ZNF385D: variants seen among roughly 807,000 people sequenced by gnomAD.
ZNF385D encodes zinc finger protein 659.
Under a neutral mutation model 35.8 loss-of-function variants are expected in ZNF385D, and 15 were observed. The observed-to-expected ratio is 0.42, with a 90% CI of 0.28 to 0.64. The LOEUF is 0.64. Ranked by LOEUF, ZNF385D falls within the 30% of genes least tolerant of loss-of-function variation. ZNF385D has a pLI of 0.23. For synonymous variants in ZNF385D, 212 were observed against 186.8 expected, an observed-to-expected ratio of 1.13 and a Z score of -1.10; for missense variants, 474 against 494.6, an observed-to-expected ratio of 0.96 and a Z score of 0.39.
chr3:22,350,682 CTTTT>C (rs202040547), intron 2 of ZNF385D, among the ~76,000 whole-genome samples: 2 of 151,786 alleles, frequency 1.3e-5, no homozygotes, highest in African/African-American at 2.4e-5. Context: ...TAATGTATTT[CTTTT>C]TTTTGTTGTT....
chr3:21,832,403 A>G (rs749868464), intron 3 of ZNF385D, among the ~76,000 whole-genome samples: 9 of 152,308 alleles, frequency 5.9e-5, no homozygotes, highest in African/African-American at 1.9e-4. Context: ...TAATTTGAAA[A>G]TTGCTAGGGC....
chr3:21,953,570 C>G (rs1199764485), intron 3 of ZNF385D, among the ~76,000 whole-genome samples: 1 of 151,998 alleles, frequency 6.6e-6, no homozygotes. Context: ...TTAGTGGCTA[C>G]TTTTAAATAG....
intron 3 of ZNF385D, among the ~76,000 whole-genome samples, chr3:22,125,622 T>A (rs572486039): frequency 3.9e-5 from 6 of 152,246 alleles, no homozygotes; most frequent in African/African-American, 1.4e-4. Flanking sequence ...GTTTTATAGT[T>A]TTCTTGTAAA....
At chr3:22,232,927 A>G (rs1698980085) in intron 2 of ZNF385D, among the ~76,000 whole-genome samples, 1 of 152,082 alleles carries the variant, frequency 6.6e-6, no homozygotes, top group South Asian at 2.1e-4. Flanking sequence ...GTTCATCTTA[A>G]CTTCTTCATT....
intron 2 of ZNF385D, among the ~76,000 whole-genome samples, chr3:21,638,599 C>T (rs1327136595): frequency 6.6e-6 from 1 of 152,062 alleles, no homozygotes; most frequent in Non-Finnish European, 1.5e-5. Context: ...TTATCTCTGA[C>T]CTAGAATCTC....
chr3:21,971,400 T>G (rs150740561), intron 3 of ZNF385D, among the ~76,000 whole-genome samples: 65 of 152,094 alleles, frequency 4.3e-4, no homozygotes, highest in African/African-American at 1.5e-3. Context: ...AAAGGTTAAG[T>G]TGTCATCAGT....
At position 21,621,554 on chromosome 3, in the gene ZNF385D, CGTGTGTGTGTGT is replaced by C. The variant is rs58332425; in HGVS notation, c.165+43320_165+43331del. ...TGTCATCAGTTAAAAAAAAAATTCC[CGTGTGTGTGTGT>C]GTGTGTGTGTGTGTGTGTGTGCAGT... On this transcript the variant is annotated intron_variant, in intron 2 of 7. Coordinates refer to ENST00000281523, the MANE Select transcript of ZNF385D (RefSeq NM_024697.3). 6.3e-3 allele frequency among the ~76,000 whole-genome samples: 864 copies of C among 136,980 alleles called. 11 individuals are homozygous for C. The highest frequency in any genetic ancestry group is 0.022 in the African/African-American group (821 of 37,018). The allele number at this position is 136,980 out of a possible 152,430, so 89.9% of individuals were successfully genotyped here.
intron 1 of ZNF385D, among the ~76,000 whole-genome samples, chr3:21,693,806 A>AGAAGAGAG (rs1343527612): frequency 3.3e-5 from 5 of 151,936 alleles, no homozygotes; most frequent in Non-Finnish European, 7.4e-5. Flanking sequence ...ATTTAGCCAG[A>AGAAGAGAG]GAAGAGAGTC....
chr3:21,820,914 AG>A (rs781693756), intron 3 of ZNF385D, among the ~76,000 whole-genome samples: 8 of 151,920 alleles, frequency 5.3e-5, no homozygotes, highest in Non-Finnish European at 1.0e-4. Flanking sequence ...ATTAAAAAAA[AG>A]AAAACAAAAA....
chr3:22,361,730 C>A (rs1335095904), intron 2 of ZNF385D, among the ~76,000 whole-genome samples: 1 of 151,902 alleles, frequency 6.6e-6, no homozygotes, highest in African/African-American at 2.4e-5. Context: ...AGAGACCAGG[C>A]TTTGAGTCAA....
At chr3:21,456,075 G>T (rs1228992158) in intron 4 of ZNF385D, among the ~76,000 whole-genome samples, 2 of 152,186 alleles carry the variant, frequency 1.3e-5, no homozygotes, top group African/African-American at 4.8e-5. Flanking sequence ...TCATTAAAAA[G>T]TCAGGAAACA....
Position 21,416,588 on chromosome 3 carries a change from C to T in ZNF385D, c.*4626G>A, listed in dbSNP as rs889774968. On this transcript the variant is annotated 3_prime_UTR_variant, in exon 8 of 8. Transcript: ENST00000281523. ...AGCCTCTCTAGCTACTGAAGCAAAC[C>T]ATACAAAAACACAAGAGATGCTCCA... 19 of 152,048 alleles carry T rather than the reference C, an allele frequency of 1.2e-4. No homozygotes were observed. The highest frequency in any genetic ancestry group is 1.2e-3 in the South Asian group (6 of 4,818). The allele number at this position is 152,048 out of a possible 1,614,324, so 9.4% of individuals were successfully genotyped here.
chr3:22,328,990 T>C lies in ZNF385D; in HGVS notation c.106+43460A>G, dbSNP rs868180975. Among the ~76,000 whole-genome samples, 16 of 140,614 alleles carry C rather than the reference T, an allele frequency of 1.1e-4. No individual in the cohort carries two copies. In the Middle Eastern group the frequency reaches 0.013, roughly 110 times the overall value. 92.2% of individuals were successfully genotyped at this position (140,614 alleles called of 152,430 possible). A position where few individuals can be genotyped will look rare whatever the true frequency, so the allele number is the denominator to read the frequency against. ...TACTTGGGAGGCTGAGGCAGGAGAA[T>C]GGCGTGAACCCGGGAGGCGGAGCTT... On this transcript the variant is annotated intron_variant, in intron 2 of 5. Coordinates refer to the ZNF385D transcript ENST00000494108.
intron 2 of ZNF385D, among the ~76,000 whole-genome samples, chr3:22,297,072 A>G (rs963699473): frequency 1.1e-4 from 16 of 152,126 alleles, no homozygotes; most frequent in African/African-American, 1.7e-4. Flanking sequence ...TCTGTTATAT[A>G]TTGAATTAGT....
chr3:21,969,633 T>C (rs1703122396), intron 3 of ZNF385D, among the ~76,000 whole-genome samples: 1 of 152,174 alleles, frequency 6.6e-6, no homozygotes, highest in Non-Finnish European at 1.5e-5. Flanking sequence ...TAACTCATCA[T>C]CCTGACGAGA....
intron 2 of ZNF385D, among the ~76,000 whole-genome samples, chr3:22,361,859 G>C (rs992252574): frequency 6.6e-6 from 1 of 152,046 alleles, no homozygotes; most frequent in East Asian, 1.9e-4. Flanking sequence ...CACCTAATTT[G>C]TGGGAAGAAA....
chr3:21,856,686 T>C (rs965396019), intron 3 of ZNF385D, among the ~76,000 whole-genome samples: 2 of 152,028 alleles, frequency 1.3e-5, no homozygotes, highest in South Asian at 2.1e-4. Flanking sequence ...GCCACCATCA[T>C]CTCTTGCCTG....
intron 3 of ZNF385D, among the ~76,000 whole-genome samples, chr3:21,534,998 T>C (rs1326132421): frequency 6.6e-6 from 1 of 152,140 alleles, no homozygotes; most frequent in African/African-American, 2.4e-5. Context: ...TCTCTTAGTA[T>C]GTAGGACTTC....
intron 1 of ZNF385D, among the ~76,000 whole-genome samples, chr3:21,743,853 C>G (rs1191489533): frequency 6.6e-6 from 1 of 152,112 alleles, no homozygotes; most frequent in East Asian, 1.9e-4. Flanking sequence ...TGTAAAAAGA[C>G]AAGGCAGAAT....
Sources: allele counts gnomAD v4.1 joint callset (sites outside exome capture counted in the v4.1 genomes callset), GRCh38; gene constraint gnomAD v4.1.1; transcripts MANE v1.5; gene names NCBI Gene and HGNC (gene_info 2026-07-23, HGNC 2026-07-21).